The following ADAMTSL1 variants were observed in gnomAD, a reference collection of about 807,000 sequenced individuals.
The protein encoded by ADAMTSL1 is ADAMTS-like protein 1.
ADAMTSL1 carries 126 observed loss-of-function variants against 201.8 expected under a neutral mutation model. The observed-to-expected ratio is 0.62, with a 90% CI of 0.54 to 0.72. ADAMTSL1 has a LOEUF of 0.72. Among genes scored for constraint, ADAMTSL1 ranks in the 30% least tolerant of loss-of-function variants. The probability of loss-of-function intolerance (pLI) is 0.00; values close to 1 mark genes in which losing one functional copy is unlikely to be tolerated. For missense variants in ADAMTSL1, 2,679 were observed against 2,277.8 expected, an observed-to-expected ratio of 1.18 and a Z score of -3.59; for synonymous variants, 1,121 against 903.4, an observed-to-expected ratio of 1.24 and a Z score of -4.32.
At chr9:18,020,138 G>A (rs1820421721) in intron 1 of ADAMTSL1, among the ~76,000 whole-genome samples, 1 of 152,068 alleles carries the variant, frequency 6.6e-6, no homozygotes, top group South Asian at 2.1e-4. Flanking sequence ...CTTGGAAGTA[G>A]ATGATGGAAG....
chr9:18,853,339 C>A (rs777652185), intron 23 of ADAMTSL1, among the ~76,000 whole-genome samples: 10 of 152,138 alleles, frequency 6.6e-5, no homozygotes, highest in Non-Finnish European at 1.5e-4. Context: ...TCAGTTCCCC[C>A]AAAATTTGGA....
intron 16 of ADAMTSL1, among the ~76,000 whole-genome samples, chr9:18,763,955 C>G (rs572204863): frequency 1.3e-5 from 2 of 152,014 alleles, no homozygotes; most frequent in South Asian, 4.2e-4. Flanking sequence ...TTTTGTTTTG[C>G]TTAGGATAGC....
At chr9:18,572,787 T>C (rs74832097) in intron 3 of ADAMTSL1, among the ~76,000 whole-genome samples, 1,922 of 152,248 alleles carry the variant, frequency 0.013, 40 homozygotes, top group African/African-American at 0.044. Flanking sequence ...AGAAACCTTA[T>C]ATAAGAGAAC....
In ADAMTSL1 at chr9:18,647,891, T is replaced by G. The variant is rs550246414; in HGVS notation, c.834+8480T>G. ...GATTTGGGGTGGAGAGTTCTGTAGA[T>G]GTCTATTAGGTCCGCTTGGTGCAGA... On this transcript the variant is annotated intron_variant, in intron 7 of 28. Coordinates refer to ENST00000380548, the MANE Select transcript of ADAMTSL1 (RefSeq NM_001040272.6). Among the ~76,000 whole-genome samples, 504 of 151,086 alleles carry G rather than the reference T, an allele frequency of 3.3e-3. 2 individuals are homozygous for G. Among genetic ancestry groups the G allele is most frequent in the African/African-American group, 0.012 (484 of 41,212 alleles).
chr9:18,175,952 G>T (rs543758489), intron 2 of ADAMTSL1, among the ~76,000 whole-genome samples: 84 of 138,848 alleles, frequency 6.0e-4, no homozygotes, highest in Non-Finnish European at 1.2e-3. Context: ...AAAGAAGAAG[G>T]TATATTGAGA....
At chr9:18,644,339 T>C (rs1353082764) in intron 7 of ADAMTSL1, among the ~76,000 whole-genome samples, 1 of 151,944 alleles carries the variant, frequency 6.6e-6, no homozygotes, top group East Asian at 1.9e-4. Context: ...GGAATCAGAA[T>C]GGCCACTTGT....
chr9:18,751,503 G>A lies in ADAMTSL1; in HGVS notation c.2007-1795G>A, dbSNP rs569461029. Among the ~76,000 whole-genome samples, 10 of 152,278 alleles carry A rather than the reference G, an allele frequency of 6.6e-5. No homozygotes were observed. The South Asian group carries it at 2.1e-3, about 32-fold the overall frequency. On this transcript the variant is annotated intron_variant, in intron 15 of 28. Transcript: ENST00000380548. ...GAGCTTATCTCATATTGTTCTGGAG[G>A]CAATTAAATGAGATAATGTGTTAAG...
At chr9:18,289,563 T>A (rs1204955111) in intron 2 of ADAMTSL1, among the ~76,000 whole-genome samples, 1 of 152,224 alleles carries the variant, frequency 6.6e-6, no homozygotes, top group Non-Finnish European at 1.5e-5. Flanking sequence ...CAGTATTCTA[T>A]TAACAGGGAA....
intron 2 of ADAMTSL1, among the ~76,000 whole-genome samples, chr9:18,239,570 C>A (rs1830980786): frequency 6.6e-6 from 1 of 151,886 alleles, no homozygotes; most frequent in African/African-American, 2.4e-5. Flanking sequence ...GAAATCTGGT[C>A]TCTACTGAAA....
chr9:18,172,776 A>T (rs1166767263), intron 2 of ADAMTSL1, among the ~76,000 whole-genome samples: 1 of 152,154 alleles, frequency 6.6e-6, no homozygotes, highest in Non-Finnish European at 1.5e-5. Context: ...CTATATAAAT[A>T]AATAACACAT....
intron 2 of ADAMTSL1, among the ~76,000 whole-genome samples, chr9:18,254,352 T>G (rs996261444): frequency 2.8e-5 from 2 of 72,210 alleles, no homozygotes; most frequent in Admixed American, 1.4e-4. Context: ...TTGGTTTTTT[T>G]TTTTTTTTTT....
chr9:18,450,427 A>G (rs1417034), intron 2 of ADAMTSL1, among the ~76,000 whole-genome samples: 52,779 of 151,796 alleles, frequency 0.35, 11,106 homozygotes, highest in East Asian at 0.55. Context: ...AATTAATGAA[A>G]ATATATTTGC....
chr9:18,367,952 T>A (rs929900837), intron 2 of ADAMTSL1, among the ~76,000 whole-genome samples: 2 of 152,040 alleles, frequency 1.3e-5, no homozygotes, highest in Non-Finnish European at 2.9e-5. Flanking sequence ...CAGGCTGGAG[T>A]GCAGTGGCGC....
rs1477674228 is a variant in ADAMTSL1 at position 18,213,579 on chromosome 9, C to A, written c.207+49598C>A. Among the ~76,000 whole-genome samples the A allele has an allele frequency of 2.0e-5, 3 of 152,160 alleles. No homozygotes were observed. In the East Asian group the frequency reaches 5.8e-4, roughly 29 times the overall value. ...CTTTTTGTTTTCTGTTACTTCATAA[C>A]TGTAACTAGAAAATGAGGACGTTCT... On this transcript the variant is annotated intron_variant, in intron 2 of 29. Coordinates refer to the ADAMTSL1 transcript ENST00000680146.
chr9:18,631,419 C>T (rs926138794), intron 5 of ADAMTSL1, among the ~76,000 whole-genome samples: 10 of 152,112 alleles, frequency 6.6e-5, no homozygotes, highest in Admixed American at 3.9e-4. Context: ...TAAAACATAC[C>T]ATTTAAACCT....
intron 13 of ADAMTSL1, among the ~76,000 whole-genome samples, chr9:18,704,560 A>G (rs1032400932): frequency 1.3e-5 from 2 of 152,112 alleles, no homozygotes; most frequent in East Asian, 3.9e-4. Flanking sequence ...TTGAGCATGC[A>G]TTTTCCTTTG....
chr9:18,860,699 A>G (rs1354953223), intron 23 of ADAMTSL1, among the ~76,000 whole-genome samples: 1 of 152,006 alleles, frequency 6.6e-6, no homozygotes, highest in Non-Finnish European at 1.5e-5. Context: ...AATAAATTTT[A>G]AGGGGAAAAA....
chr9:18,077,358 T>C (rs560783305), intron 1 of ADAMTSL1, among the ~76,000 whole-genome samples: 3 of 152,224 alleles, frequency 2.0e-5, no homozygotes, highest in East Asian at 1.9e-4. Context: ...CTCTCCCTTA[T>C]TGAGTGTTCA....
At chr9:18,399,425 C>T (rs1817896218) in intron 2 of ADAMTSL1, among the ~76,000 whole-genome samples, 4 of 150,470 alleles carry the variant, frequency 2.7e-5, no homozygotes, top group East Asian at 2.0e-4. Flanking sequence ...CTGCAACCTC[C>T]GCCTCCCGGG....
Sources: gnomAD v4.1 joint callset for allele counts (sites outside exome capture counted in the v4.1 genomes callset) on GRCh38, gnomAD v4.1.1 for gene constraint, MANE v1.5 for transcripts, NCBI Gene and HGNC (gene_info 2026-07-23, HGNC 2026-07-21) for gene names.